BANK1: variants seen among roughly 807,000 people sequenced by gnomAD.
The protein encoded by BANK1 is B cell scaffold protein with ankyrin repeats 1, also known as B-cell scaffold protein with ankyrin repeats.
Under a neutral mutation model 94.5 loss-of-function variants are expected in BANK1, and 95 were observed. The ratio of observed to expected loss-of-function variants is 1.00; its 90% CI spans 0.85 to 1.19. The LOEUF is 1.19. Ranked by LOEUF, BANK1 falls within the 50% of genes most tolerant of loss-of-function variation. The pLI is 0.00. For missense variants in BANK1, 987 were observed against 932.2 expected (o/e 1.06, Z -0.77); for synonymous variants, 334 against 308.4 (o/e 1.08, Z -0.87).
intron 1 of BANK1, among the ~76,000 whole-genome samples, chr4:101,795,787 T>C (rs1725134865): frequency 6.6e-6 from 1 of 152,186 alleles, no homozygotes; most frequent in South Asian, 2.1e-4. Context: ...GTCAGAGACC[T>C]TTCCTTTATC....
intron 8 of BANK1, among the ~76,000 whole-genome samples, chr4:102,022,945 C>G (rs1052634115): frequency 1.3e-5 from 2 of 152,204 alleles, no homozygotes; most frequent in Admixed American, 1.3e-4. Flanking sequence ...TTCATCACTT[C>G]TTTCTTCGTT....
rs1728410322 is a variant in BANK1 at position 102,061,294 on chromosome 4, G to A, written c.2148+905G>A. On this transcript the variant is annotated intron_variant, in intron 12 of 16. Coordinates refer to ENST00000322953, the MANE Select transcript of BANK1 (RefSeq NM_017935.5). ...CACACAATATAGTAGATGGGCCAGG[G>A]GACTTTCCCAGTACATCTGAGATCA... 4 of 152,106 alleles carry A rather than the reference G, an allele frequency of 2.6e-5. No individual in the cohort carries two copies. In the South Asian group the frequency reaches 6.2e-4, roughly 24 times the overall value. The allele number at this position is 152,106 out of a possible 1,614,324, so 9.4% of individuals were successfully genotyped here.
chr4:101,938,699 TA>T (rs1723651490), intron 7 of BANK1, among the ~76,000 whole-genome samples: 1 of 151,678 alleles, frequency 6.6e-6, no homozygotes, highest in South Asian at 2.1e-4. Context: ...CTTCAGTCCA[TA>T]AAAGCTATTT....
chr4:101,915,548 G>T (rs1722799607), intron 6 of BANK1, among the ~76,000 whole-genome samples: 1 of 152,010 alleles, frequency 6.6e-6, no homozygotes, highest in Non-Finnish European at 1.5e-5. Context: ...ATTAACAAGA[G>T]AAATACCAAG....
rs1480333021 is a variant in BANK1, at chr4:101,790,878, A to G, written c.-3A>G. On this transcript the variant is annotated 5_prime_UTR_variant, in exon 1 of 17. Coordinates refer to ENST00000322953, the MANE Select transcript of BANK1 (RefSeq NM_017935.5). ...CGCAGGCCCCTCGGCTTCAACCGCC[A>G]CAATGCTGCCAGCAGCGCCAGGCAA... 6.5e-6 allele frequency: 10 copies of G among 1,538,642 alleles called. No individual in the cohort carries two copies. The highest frequency in any genetic ancestry group is 2.4e-5 in the East Asian group (1 of 40,916).
chr4:101,867,782 A>ATAAATAAT (rs1422465121), intron 4 of BANK1, among the ~76,000 whole-genome samples: 6 of 150,846 alleles, frequency 4.0e-5, no homozygotes, highest in African/African-American at 1.5e-4. Flanking sequence ...AAATAAATAA[A>ATAAATAAT]TAAATAAAAG....
intron 10 of BANK1, among the ~76,000 whole-genome samples, chr4:102,043,206 T>TCAAA (rs1346150972): frequency 6.6e-6 from 1 of 152,130 alleles, no homozygotes; most frequent in African/African-American, 2.4e-5. Flanking sequence ...TCAATAAATA[T>TCAAA]CAAACAATCA....
intron 1 of BANK1, chr4:101,813,845 G>A (rs1725805082): frequency 1.0e-6 from 1 of 985,288 alleles, no homozygotes; most frequent in Admixed American, 6.1e-5. Flanking sequence ...AAGGGCTGCA[G>A]AGGATGCACA....
At chr4:101,871,148 A>G (rs930612597) in intron 5 of BANK1, among the ~76,000 whole-genome samples, 1 of 152,124 alleles carries the variant, frequency 6.6e-6, no homozygotes, top group Non-Finnish European at 1.5e-5. Context: ...AGTTTCATTT[A>G]TCATTGTTAT....
At chr4:101,986,900 T>TAC (rs1491474974) in intron 7 of BANK1, among the ~76,000 whole-genome samples, 2 of 44,356 alleles carry the variant, frequency 4.5e-5, no homozygotes, top group Admixed American at 1.9e-4. Flanking sequence ...TGTGTGTGTG[T>TAC]ATATATATAT....
At chr4:101,841,093 TG>T (rs746632603) in intron 2 of BANK1, among the ~76,000 whole-genome samples, 4 of 152,194 alleles carry the variant, frequency 2.6e-5, no homozygotes, top group Non-Finnish European at 5.9e-5. Flanking sequence ...CCCAAAGTGC[TG>T]GGATTGCGGT....
chr4:101,851,316 GATAGA>G (rs1182780580), intron 2 of BANK1, among the ~76,000 whole-genome samples: 1 of 152,138 alleles, frequency 6.6e-6, no homozygotes, highest in East Asian at 1.9e-4. Context: ...GCATGTGGTA[GATAGA>G]ATAAAGTACT....
chr4:101,872,219 A>G (rs4270589), intron 5 of BANK1, among the ~76,000 whole-genome samples: 79,906 of 151,854 alleles, frequency 0.53, 21,730 homozygotes, highest in African/African-American at 0.66. Context: ...ACTCTAACCC[A>G]GTGGCAGCAA....
At chr4:101,931,645 C>T (rs1017800678) in intron 7 of BANK1, among the ~76,000 whole-genome samples, 1 of 151,542 alleles carries the variant, frequency 6.6e-6, no homozygotes, top group Non-Finnish European at 1.5e-5. Context: ...TTCTGTTACT[C>T]TGGTGAACTT....
At chr4:101,958,027 T>C (rs1232653367) in intron 7 of BANK1, among the ~76,000 whole-genome samples, 10 of 147,882 alleles carry the variant, frequency 6.8e-5, no homozygotes, top group Non-Finnish European at 1.2e-4. Context: ...TTTGTATTTT[T>C]AGTAGAGACA....
intron 13 of BANK1, among the ~76,000 whole-genome samples, chr4:102,066,803 T>G (rs1728610974): frequency 6.6e-6 from 1 of 152,228 alleles, no homozygotes. Context: ...TATAAAATAT[T>G]ATGTTTTCCT....
intron 6 of BANK1, among the ~76,000 whole-genome samples, chr4:101,911,206 C>T (rs1429287072): frequency 6.6e-6 from 1 of 152,082 alleles, no homozygotes; most frequent in East Asian, 1.9e-4. Context: ...ACGACTGTGC[C>T]TCGGTACACT....
At chr4:102,002,237 C>G (rs1726102283) in intron 7 of BANK1, among the ~76,000 whole-genome samples, 1 of 152,080 alleles carries the variant, frequency 6.6e-6, no homozygotes, top group African/African-American at 2.4e-5. Context: ...TTGGATGTGA[C>G]ACATAGTGGT....
intron 2 of BANK1, among the ~76,000 whole-genome samples, chr4:101,843,767 A>C (rs920330646): frequency 1.8e-4 from 28 of 152,138 alleles, no homozygotes; most frequent in Admixed American, 8.5e-4. Context: ...ATACAAAAAA[A>C]AAAGATTAGC....
Sources: allele counts gnomAD v4.1 joint callset (sites outside exome capture counted in the v4.1 genomes callset), GRCh38; gene constraint gnomAD v4.1.1; transcripts MANE v1.5; gene names NCBI Gene and HGNC (gene_info 2026-07-23, HGNC 2026-07-21).